CHPT1: variants seen among roughly 807,000 people sequenced by gnomAD.
CHPT1 encodes the protein choline phosphotransferase 1.
Under a neutral mutation model 47.6 loss-of-function variants are expected in CHPT1, and 36 were observed. The observed-to-expected ratio is 0.76, with a 90% CI of 0.58 to 1.00. CHPT1 has a LOEUF of 1.00. CHPT1 is among the 50% of genes least tolerant of loss of function. The probability of loss-of-function intolerance (pLI) is 0.00; values close to 1 mark genes in which losing one functional copy is unlikely to be tolerated. For synonymous variants in CHPT1, 194 were observed against 186.3 expected (o/e 1.04, Z -0.33); for missense variants, 458 against 498.1 (o/e 0.92, Z 0.77).
In CHPT1 at chr12:101,726,367, A is replaced by G. The variant is rs1951943427; in HGVS notation, c.1139A>G (p.Asn380Ser). The G allele has an allele frequency of 1.9e-6, 3 of 1,613,326 alleles. No individual in the cohort carries two copies. Among genetic ancestry groups the G allele is most frequent in the Middle Eastern group, 1.6e-4 (1 of 6,062 alleles). The change falls in exon 8 of 9, where the codon AAT becomes AGT. Residue 380 changes from asparagine to serine, a missense_variant. Physicochemically the swap from Asn to Ser is conservative, Grantham distance 46. Coordinates refer to ENST00000229266, the MANE Select transcript of CHPT1 (RefSeq NM_020244.3). ...CAAATTTCAAGACACCTTCATCTAA[A>G]TATATTCAAGACTGCATGTCATCAA... ...CLQISRHLHL[N>S]IFKTACHQAP...
chr12:101,707,511 C>G (rs958469942), intron 1 of CHPT1, among the ~76,000 whole-genome samples: 1 of 152,108 alleles, frequency 6.6e-6, no homozygotes, highest in Non-Finnish European at 1.5e-5. Flanking sequence ...GCACAAACAC[C>G]TTTATTGTCA....
chr12:101,706,352 G>GAA (rs61196574), intron 1 of CHPT1, among the ~76,000 whole-genome samples: 1 of 137,974 alleles, frequency 7.2e-6, no homozygotes, highest in African/African-American at 2.7e-5. Flanking sequence ...TCTGTCTCAA[G>GAA]AAAAAAAAAA....
chr12:101,724,061 T>C, intron 7 of CHPT1, among the ~76,000 whole-genome samples: 1 of 151,320 alleles, frequency 6.6e-6, no homozygotes, highest in Non-Finnish European at 1.5e-5. Flanking sequence ...TACCAAAAAA[T>C]ACAAAAAATT....
rs563031793 is a variant in CHPT1, at chr12:101,703,078, T to G, written c.273+4944T>G. ...CTCCTTTCAAATTCTGGTTCAAGTG[T>G]GGATAAAACGTGGCATCGTGGTATT... On this transcript the variant is annotated intron_variant, in intron 1 of 8. Coordinates refer to ENST00000229266, the MANE Select transcript of CHPT1 (RefSeq NM_020244.3). 8.5e-5 allele frequency among the ~76,000 whole-genome samples: 13 copies of G among 152,310 alleles called. No homozygotes were observed. The South Asian group carries it at 1.9e-3, about 22-fold the overall frequency.
At chr12:101,714,876 A>G (rs1951742657) in intron 3 of CHPT1, 3 of 351,934 alleles carry the variant, frequency 8.5e-6, no homozygotes, top group Non-Finnish European at 1.5e-5. Context: ...CTCCAACTTA[A>G]TCATTAGCCC....
chr12:101,706,270 A>C (rs572619547), intron 1 of CHPT1, among the ~76,000 whole-genome samples: 1 of 151,788 alleles, frequency 6.6e-6, no homozygotes, highest in African/African-American at 2.4e-5. Flanking sequence ...GAATCACTTG[A>C]ACCTGGGAGG....
chr12:101,714,219 T>C lies in CHPT1; in HGVS notation c.403T>C (p.Cys135Arg). The change falls in exon 2 of 9, where the codon TGT becomes CGT. Residue 135 changes from cysteine to arginine, a missense_variant. Physicochemically the swap from Cys to Arg is radical, Grantham distance 180. Coordinates refer to ENST00000229266, the MANE Select transcript of CHPT1 (RefSeq NM_020244.3). Reference protein sequence around the residue: ...SPLGELFDHGCDSLSTVFMAV... With the variant: ...SPLGELFDHGRDSLSTVFMAV... Reference sequence around the variant, plus strand: ...TTTAGGGGAGCTCTTTGACCATGGCTGTGACTCTCTTTCCACAGGTAAATT... The same window carrying C: ...TTTAGGGGAGCTCTTTGACCATGGCCGTGACTCTCTTTCCACAGGTAAATT... The C allele has an allele frequency of 6.3e-7, 1 of 1,595,980 alleles. No homozygotes were observed. The highest frequency in any genetic ancestry group is 2.2e-5 in the East Asian group (1 of 44,742).
rs370771155 is a variant in CHPT1 at position 101,725,690 on chromosome 12, T to TA, written c.1066-603dup. Among the ~76,000 whole-genome samples the TA allele has an allele frequency of 7.9e-5, 12 of 151,964 alleles. No homozygotes were observed. The East Asian group carries it at 1.7e-3, about 22-fold the overall frequency. On this transcript the variant is annotated intron_variant, in intron 7 of 8. Coordinates refer to ENST00000229266, the MANE Select transcript of CHPT1 (RefSeq NM_020244.3). Reference sequence around the variant, plus strand: ...TCAAGTAAGCTTTTAACATAAATGATAGAGATTTTCCCCTCATGGGTGAGA... The same window carrying TA: ...TCAAGTAAGCTTTTAACATAAATGATAAGAGATTTTCCCCTCATGGGTGAGA...
At chr12:101,727,605 C>G (rs980370675) in intron 8 of CHPT1, 1 of 152,034 alleles carries the variant, frequency 6.6e-6, no homozygotes, top group Middle Eastern at 3.4e-3. Flanking sequence ...AAAAAACATA[C>G]TTATGGGAAT....
chr12:101,699,145 T>C (rs1014311178), intron 1 of CHPT1, among the ~76,000 whole-genome samples: 1 of 152,100 alleles, frequency 6.6e-6, no homozygotes, highest in African/African-American at 2.4e-5. Context: ...TGCCGTGCCG[T>C]GGCTCGATCT....
intron 1 of CHPT1, among the ~76,000 whole-genome samples, chr12:101,707,455 A>G (rs1328009558): frequency 6.6e-6 from 1 of 152,190 alleles, no homozygotes; most frequent in African/African-American, 2.4e-5. Context: ...AAGCCCATGA[A>G]GGCTCTCCCC....
intron 3 of CHPT1, chr12:101,715,177 G>C (rs1471253927): frequency 2.0e-5 from 3 of 152,226 alleles, no homozygotes; most frequent in African/African-American, 7.2e-5. Flanking sequence ...ATCTGCCTCT[G>C]TTGCCTCTTT....
chr12:101,720,736 G>T (rs1951836429), intron 5 of CHPT1, among the ~76,000 whole-genome samples: 1 of 152,078 alleles, frequency 6.6e-6, no homozygotes, highest in African/African-American at 2.4e-5. Flanking sequence ...TCTTAAGTGG[G>T]TATACTTTGT....
At chr12:101,713,726 G>T (rs1348553732) in intron 1 of CHPT1, among the ~76,000 whole-genome samples, 1 of 149,476 alleles carries the variant, frequency 6.7e-6, no homozygotes, top group Non-Finnish European at 1.5e-5. Flanking sequence ...GGAAGCAGAG[G>T]TTGGCAGTTG....
chr12:101,705,283 G>A (rs1300491435), intron 1 of CHPT1, among the ~76,000 whole-genome samples: 1 of 100,630 alleles, frequency 9.9e-6, no homozygotes, highest in African/African-American at 5.6e-5. Context: ...GGCTGGGCTC[G>A]AACTCCTGAC....
chr12:101,723,023 A>G, intron 5 of CHPT1, 145 bp from the exon 6 acceptor site: 2 of 655,334 alleles, frequency 3.1e-6, no homozygotes, highest in South Asian at 2.0e-5. Context: ...GGAAAGCACA[A>G]CTCAGGTTTG....
At chr12:101,707,395 C>T (rs959288668) in intron 1 of CHPT1, among the ~76,000 whole-genome samples, 1 of 152,130 alleles carries the variant, frequency 6.6e-6, no homozygotes, top group Admixed American at 6.5e-5. Flanking sequence ...TTAGGAGTGG[C>T]CAGAAGAGCT....
At chr12:101,716,322 G>A (rs1031705271) in intron 3 of CHPT1, among the ~76,000 whole-genome samples, 4 of 152,062 alleles carry the variant, frequency 2.6e-5, no homozygotes, top group African/African-American at 9.7e-5. Flanking sequence ...AATTGACCTG[G>A]GAGTATTTAA....
chr12:101,717,498 C>T (rs1951783112), intron 4 of CHPT1: 3 of 290,808 alleles, frequency 1.0e-5, no homozygotes, highest in East Asian at 1.6e-4. Context: ...TCATTCAATA[C>T]TTATGTTCCT....
Sources: allele counts gnomAD v4.1 joint callset (sites outside exome capture counted in the v4.1 genomes callset), GRCh38; gene constraint gnomAD v4.1.1; transcripts MANE v1.5; gene names NCBI Gene and HGNC (gene_info 2026-07-23, HGNC 2026-07-21).